Variants in UBE2D3 observed in about 807,000 individuals in gnomAD.
UBE2D3 encodes the protein ubiquitin conjugating enzyme E2 D3.
In UBE2D3, 2 loss-of-function variants were observed where a neutral mutation model predicts 22.8. That is an observed-to-expected ratio of 0.09 (90% confidence interval 0.04 to 0.28). The LOEUF is 0.28. UBE2D3 is among the 10% of genes least tolerant of loss of function. UBE2D3 has a pLI of 1.00. For synonymous variants in UBE2D3, 56 were observed against 60.4 expected, an observed-to-expected ratio of 0.93 and a Z score of 0.34; for missense variants, 27 against 182.5, an observed-to-expected ratio of 0.15 and a Z score of 4.91.
intron 1 of UBE2D3, among the ~76,000 whole-genome samples, chr4:102,852,070 G>GT (rs1331015152): frequency 6.6e-6 from 1 of 152,120 alleles, no homozygotes; most frequent in Non-Finnish European, 1.5e-5. Context: ...CCCATGGGTC[G>GT]TAAGTGGAAA....
At chr4:102,826,151 GTC>G (rs1730438173) in intron 2 of UBE2D3, among the ~76,000 whole-genome samples, 1 of 151,886 alleles carries the variant, frequency 6.6e-6, no homozygotes, top group Non-Finnish European at 1.5e-5. Flanking sequence ...CTGCTGGAGC[GTC>G]TCTCCGCAAT....
At position 102,853,135 on chromosome 4, in the gene UBE2D3, A is replaced by ATCTTTTTTTTTTTTTTTTTTTTT. The variant is rs386626793; in HGVS notation, c.-129+15579_-129+15580insAAAAAAAAAAAAAAAAAAAAAGA. Among the ~76,000 whole-genome samples, 9 of 88,598 alleles carry ATCTTTTTTTTTTTTTTTTTTTTT rather than the reference A, an allele frequency of 1.0e-4. 3 individuals carry two copies. The highest frequency in any genetic ancestry group is 3.8e-4 in the African/African-American group (8 of 21,056). The allele number at this position is 88,598 out of a possible 152,430, so 58.1% of individuals were successfully genotyped here. A position where few individuals can be genotyped will look rare whatever the true frequency, so the allele number is the denominator to read the frequency against. ...GTCAAAATTACACACAAACACACAC[A>ATCTTTTTTTTTTTTTTTTTTTTT]TTTTTTTTTTTTTTTTTTTTTTTTT... On this transcript the variant is annotated intron_variant, in intron 1 of 7. Coordinates refer to the UBE2D3 transcript ENST00000338145.
chr4:102,853,876 A>G (rs762084800), intron 1 of UBE2D3, among the ~76,000 whole-genome samples: 1 of 152,196 alleles, frequency 6.6e-6, no homozygotes, highest in Non-Finnish European at 1.5e-5. Context: ...AACTGAATAA[A>G]AGGGATAAGA....
chr4:102,820,964 T>C (rs1271207702), intron 2 of UBE2D3, among the ~76,000 whole-genome samples: 1 of 152,188 alleles, frequency 6.6e-6, no homozygotes, highest in Non-Finnish European at 1.5e-5. Flanking sequence ...ATGTTGAAAG[T>C]ATCATTAGGA....
At chr4:102,810,748 C>T (rs1305270318) in intron 2 of UBE2D3, 1 of 151,936 alleles carries the variant, frequency 6.6e-6, no homozygotes, top group African/African-American at 2.4e-5. Flanking sequence ...ATGACTTGTG[C>T]ATAACAATAT....
chr4:102,825,709 C>CA (rs1477149763), intron 2 of UBE2D3: 2 of 602,374 alleles, frequency 3.3e-6, no homozygotes, highest in African/African-American at 3.8e-5. Context: ...TAGAATGAGG[C>CA]AAAAATAGGT....
chr4:102,840,945 A>G (rs1017016489), intron 1 of UBE2D3, among the ~76,000 whole-genome samples: 6 of 152,024 alleles, frequency 3.9e-5, no homozygotes, highest in Non-Finnish European at 8.8e-5. Flanking sequence ...TGAACCCAGG[A>G]GGCAGAGGTT....
At chr4:102,864,136 C>T (rs1212058110) in intron 1 of UBE2D3, among the ~76,000 whole-genome samples, 1 of 152,180 alleles carries the variant, frequency 6.6e-6, no homozygotes, top group South Asian at 2.1e-4. Flanking sequence ...ATATACACAA[C>T]ACAACCTTAA....
chr4:102,829,100 G>GT (rs373876129), upstream of UBE2D3, among the ~76,000 whole-genome samples: 143 of 152,336 alleles, frequency 9.4e-4, 1 homozygote, highest in African/African-American at 3.3e-3. Flanking sequence ...AGTGTCACTA[G>GT]TGAAGCAGTG....
At chr4:102,850,406 CT>C (rs1273050377) in intron 1 of UBE2D3, among the ~76,000 whole-genome samples, 39 of 152,238 alleles carry the variant, frequency 2.6e-4, no homozygotes, top group Admixed American at 2.4e-3. Flanking sequence ...GGTTTACCAC[CT>C]TGCCCCTCTC....
intron 2 of UBE2D3, among the ~76,000 whole-genome samples, chr4:102,818,798 C>T (rs1327644604): frequency 1.3e-5 from 2 of 151,876 alleles, no homozygotes; most frequent in Admixed American, 1.3e-4. Flanking sequence ...ATTTTTAATA[C>T]AAAGCCTGCA....
At chr4:102,799,639 CAG>C (rs1725810057) in intron 6 of UBE2D3, 139 bp from the exon 7 acceptor site, 1 of 605,068 alleles carries the variant, frequency 1.7e-6, no homozygotes, top group Non-Finnish European at 2.8e-6. Flanking sequence ...CACAGTTTTA[CAG>C]AGATTTTGTT....
intron 1 of UBE2D3, among the ~76,000 whole-genome samples, chr4:102,860,137 G>A (rs921467337): frequency 1.2e-4 from 19 of 152,044 alleles, no homozygotes; most frequent in South Asian, 2.1e-4. Context: ...GTGAGCCACC[G>A]CGCCCAGCCA....
chr4:102,846,580 C>A lies in UBE2D3; in HGVS notation c.-128-19944G>T, dbSNP rs1732051529. Among the ~76,000 whole-genome samples, 8 of 152,294 alleles carry A rather than the reference C, an allele frequency of 5.3e-5. No homozygotes were observed. In the South Asian group the frequency reaches 1.4e-3, roughly 28 times the overall value. The stretch of plus-strand genomic sequence containing the variant: ...TCTCTCTCCAGAGAAGGCCTCAATT[C>A]TCTGACTAGGCTATGTTGGGATATA... On this transcript the variant is annotated intron_variant, in intron 1 of 7. Transcript: ENST00000338145.
chr4:102,849,580 G>A (rs144462844), intron 1 of UBE2D3, among the ~76,000 whole-genome samples: 1 of 152,162 alleles, frequency 6.6e-6, no homozygotes, highest in African/African-American at 2.4e-5. Flanking sequence ...ATGGGCAAGT[G>A]ACTTTAACAG....
chr4:102,808,150 T>C (rs973362839), intron 4 of UBE2D3, among the ~76,000 whole-genome samples: 10 of 152,168 alleles, frequency 6.6e-5, no homozygotes. Flanking sequence ...TAATATGGAA[T>C]TGACCTAGTA....
intron 1 of UBE2D3, among the ~76,000 whole-genome samples, chr4:102,836,439 G>A (rs1231096759): frequency 1.3e-5 from 2 of 152,076 alleles, no homozygotes; most frequent in African/African-American, 2.4e-5. Flanking sequence ...GAGGCACTCC[G>A]CCTAGCCTCT....
intron 2 of UBE2D3, among the ~76,000 whole-genome samples, chr4:102,815,195 C>T (rs984934573): frequency 3.3e-5 from 5 of 152,092 alleles, no homozygotes; most frequent in African/African-American, 9.6e-5. Flanking sequence ...AGATGTGCGC[C>T]ACCACACCCG....
intron 1 of UBE2D3, among the ~76,000 whole-genome samples, chr4:102,840,916 C>T (rs886765643): frequency 2.0e-5 from 3 of 151,718 alleles, no homozygotes; most frequent in African/African-American, 7.3e-5. Flanking sequence ...ACTCAGGAGG[C>T]TGAGGCAGGA....
Sources: gnomAD v4.1 joint callset for allele counts (sites outside exome capture counted in the v4.1 genomes callset) on GRCh38, gnomAD v4.1.1 for gene constraint, MANE v1.5 for transcripts, NCBI Gene and HGNC (gene_info 2026-07-23, HGNC 2026-07-21) for gene names.